Variants in UBE2V2 observed in about 807,000 individuals in gnomAD.
The protein encoded by UBE2V2 is ubiquitin conjugating enzyme E2 V2.
UBE2V2 carries 9 observed loss-of-function variants against 17.2 expected under a neutral mutation model. That is an observed-to-expected ratio of 0.52 (90% CI 0.32 to 0.91). The LOEUF is 0.91. Ranked by LOEUF, UBE2V2 falls within the 40% of genes least tolerant of loss-of-function variation. The pLI is 0.04. For missense variants in UBE2V2, 133 were observed against 182.6 expected, an observed-to-expected ratio of 0.73 and a Z score of 1.56; for synonymous variants, 61 against 57.5, an observed-to-expected ratio of 1.06 and a Z score of -0.28.
At chr8:48,024,510 G>A (rs1019688933) in intron 1 of UBE2V2, among the ~76,000 whole-genome samples, 1 of 151,914 alleles carries the variant, frequency 6.6e-6, no homozygotes. Context: ...TAGGAGAATC[G>A]CTTGAACCTG....
rs1216483460 is a variant in UBE2V2, at chr8:48,008,459, C to T, written c.5C>T (p.Ala2Val). 7 of 1,567,662 alleles carry T rather than the reference C, an allele frequency of 4.5e-6. No homozygotes were observed. The highest frequency in any genetic ancestry group is 1.7e-4 in the Middle Eastern group (1 of 5,918). M[A>V]VSTGVKVPRN... Reference sequence around the variant, plus strand: ...TGCGTCGGGCTGCAGGAGAAGATGGCGGTCTCCACAGGTCGGTTCCCGGGC... The same window carrying T: ...TGCGTCGGGCTGCAGGAGAAGATGGTGGTCTCCACAGGTCGGTTCCCGGGC... The change falls in exon 1 of 4, where the codon GCG (alanine) becomes GTG (valine). Residue 2 changes from alanine to valine, a missense_variant. By Grantham distance (64) the Ala-to-Val change is moderately conservative. Transcript: ENST00000523111.
upstream of UBE2V2, chr8:48,008,342 G>C: frequency 7.3e-7 from 1 of 1,366,192 alleles, no homozygotes; most frequent in South Asian, 1.7e-5. Context: ...GGGTCGCCCC[G>C]CGCCCGCCGG....
At chr8:48,023,990 G>A (rs930305336) in intron 1 of UBE2V2, among the ~76,000 whole-genome samples, 1 of 152,152 alleles carries the variant, frequency 6.6e-6, no homozygotes, top group Non-Finnish European at 1.5e-5. Context: ...TGTAAGATGG[G>A]ACTTCAGGAC....
the UBE2V2 span, among the ~76,000 whole-genome samples, chr8:47,999,043 C>A: frequency 6.6e-6 from 1 of 152,116 alleles, no homozygotes; most frequent in East Asian, 1.9e-4. Context: ...TTCCCCTATG[C>A]GGTCTGAGTG....
At chr8:48,020,332 AT>A (rs773447821) in intron 1 of UBE2V2, among the ~76,000 whole-genome samples, 9 of 151,974 alleles carry the variant, frequency 5.9e-5, no homozygotes, top group Non-Finnish European at 1.2e-4. Flanking sequence ...TTCTCTCTTG[AT>A]TTCCATTTGC....
chr8:48,003,303 G>A, the UBE2V2 span, among the ~76,000 whole-genome samples: 1 of 152,162 alleles, frequency 6.6e-6, no homozygotes, highest in Non-Finnish European at 1.5e-5. Context: ...AGTGGGATGA[G>A]CACTGGGAAT....
intron 1 of UBE2V2, among the ~76,000 whole-genome samples, chr8:48,032,871 G>T (rs887348133): frequency 1.3e-5 from 2 of 152,162 alleles, no homozygotes; most frequent in Non-Finnish European, 2.9e-5. Context: ...TTTTGAAACA[G>T]CCAGTGGGGG....
intron 1 of UBE2V2, among the ~76,000 whole-genome samples, chr8:48,025,273 C>CT (rs1225705153): frequency 6.8e-4 from 91 of 133,900 alleles, no homozygotes; most frequent in African/African-American, 7.2e-4. Flanking sequence ...CTTTTCTTTT[C>CT]TTTTTTTTTT....
intron 3 of UBE2V2, among the ~76,000 whole-genome samples, chr8:48,059,213 G>C (rs1802545750): frequency 6.6e-6 from 1 of 151,948 alleles, no homozygotes; most frequent in Non-Finnish European, 1.5e-5. Context: ...AGGATTACAG[G>C]CGTGAGCCAC....
upstream of UBE2V2, chr8:48,008,357 G>T (rs944545498): frequency 2.1e-6 from 3 of 1,424,788 alleles, no homozygotes; most frequent in South Asian, 1.5e-5. Flanking sequence ...CGCCGGGGGC[G>T]GAGTCCGCTG....
chr8:48,042,403 TC>T (rs1221968796), intron 1 of UBE2V2: 9 of 152,352 alleles, frequency 5.9e-5, no homozygotes, highest in African/African-American at 2.2e-4. Context: ...AGTCAGTTGT[TC>T]ACAGGAGGTG....
At chr8:48,036,196 CCT>C (rs1442496791) in intron 1 of UBE2V2, among the ~76,000 whole-genome samples, 1 of 151,128 alleles carries the variant, frequency 6.6e-6, no homozygotes, top group African/African-American at 2.4e-5. Flanking sequence ...CTCAAGCGAT[CCT>C]CCCACCTTGG....
At chr8:48,037,890 C>T (rs1181564972) in intron 1 of UBE2V2, among the ~76,000 whole-genome samples, 1 of 152,182 alleles carries the variant, frequency 6.6e-6, no homozygotes, top group Non-Finnish European at 1.5e-5. Context: ...CCAATCCATT[C>T]CCACGTTGCA....
intron 1 of UBE2V2, among the ~76,000 whole-genome samples, chr8:48,022,142 CT>C (rs879871970): frequency 2.5e-3 from 360 of 143,370 alleles, no homozygotes; most frequent in Non-Finnish European, 2.6e-3. Context: ...CAGTTTGGAT[CT>C]TTTTTTTTTT....
At chr8:48,008,111 G>A (rs28699569), upstream of UBE2V2, among the ~76,000 whole-genome samples, 4,244 of 152,032 alleles carry the variant, frequency 0.028, 204 homozygotes, top group African/African-American at 0.095. Flanking sequence ...TAGTAGAGAC[G>A]GGGTTTCGCC....
chr8:48,035,823 G>A (rs551215014), intron 1 of UBE2V2, among the ~76,000 whole-genome samples: 2 of 150,814 alleles, frequency 1.3e-5, no homozygotes, highest in African/African-American at 2.4e-5. Flanking sequence ...CTCATGAGGC[G>A]GAGGTTGCAG....
intron 2 of UBE2V2, among the ~76,000 whole-genome samples, chr8:48,049,286 T>C (rs1585442162): frequency 6.6e-6 from 1 of 152,336 alleles, no homozygotes; most frequent in African/African-American, 2.4e-5. Context: ...TGGGGTTTTC[T>C]CTTTTGCTAG....
chr8:48,032,847 G>A (rs1047276809), intron 1 of UBE2V2, among the ~76,000 whole-genome samples: 2 of 152,168 alleles, frequency 1.3e-5, no homozygotes, highest in Non-Finnish European at 1.5e-5. Flanking sequence ...TGAGAGTGGG[G>A]TTGTAACTGA....
At chr8:47,999,702 TC>T in the UBE2V2 span, among the ~76,000 whole-genome samples, 1 of 152,018 alleles carries the variant, frequency 6.6e-6, no homozygotes, top group Non-Finnish European at 1.5e-5. Context: ...GTACCAAGCT[TC>T]TTTACAAAAA....
Sources: allele counts gnomAD v4.1 joint callset (sites outside exome capture counted in the v4.1 genomes callset), GRCh38; gene constraint gnomAD v4.1.1; transcripts MANE v1.5; gene names NCBI Gene and HGNC (gene_info 2026-07-23, HGNC 2026-07-21).